The following PTBP2 variants were observed in gnomAD, a reference collection of about 807,000 sequenced individuals.
PTBP2 encodes the protein polypyrimidine tract binding protein 2.
A neutral mutation model predicts 61.4 loss-of-function variants in PTBP2; 13 were observed. That is an observed-to-expected ratio of 0.21 (90% CI 0.14 to 0.34). The LOEUF (loss-of-function observed/expected upper bound fraction) is 0.34. Ranked by LOEUF, PTBP2 falls within the 10% of genes least tolerant of loss-of-function variation. PTBP2 has a pLI of 1.00. For missense variants in PTBP2, 405 were observed against 642.6 expected, an observed-to-expected ratio of 0.63 and a Z score of 4.00; for synonymous variants, 215 against 218.5, an observed-to-expected ratio of 0.98 and a Z score of 0.14.
intron 8 of PTBP2, among the ~76,000 whole-genome samples, chr1:96,791,647 T>C (rs1413874630): frequency 1.3e-5 from 2 of 152,090 alleles, no homozygotes; most frequent in Non-Finnish European, 2.9e-5. Flanking sequence ...GGATCATTGG[T>C]ATTGGTAGAA....
intron 1 of PTBP2, among the ~76,000 whole-genome samples, chr1:96,723,259 T>G (rs1649883985): frequency 6.6e-6 from 1 of 152,210 alleles, no homozygotes. Flanking sequence ...AAGCGTTAAA[T>G]TATTAATCTC....
At chr1:96,759,099 C>T (rs1390018522) in intron 3 of PTBP2, among the ~76,000 whole-genome samples, 1 of 152,102 alleles carries the variant, frequency 6.6e-6, no homozygotes, top group Non-Finnish European at 1.5e-5. Context: ...TGTAAGACAT[C>T]TACACCAATA....
At chr1:96,799,346 A>C (rs1181458279) in intron 8 of PTBP2, among the ~76,000 whole-genome samples, 3 of 107,998 alleles carry the variant, frequency 2.8e-5, no homozygotes, top group Non-Finnish European at 5.3e-5. Flanking sequence ...CCCAGGCTGG[A>C]GTGCAATGGT....
At chr1:96,776,986 G>T (rs1407809733) in intron 5 of PTBP2, among the ~76,000 whole-genome samples, 2 of 151,916 alleles carry the variant, frequency 1.3e-5, no homozygotes, top group East Asian at 3.9e-4. Context: ...AAAATGTATG[G>T]GAAATATTCT....
At chr1:96,789,613 A>G (rs1030639616) in intron 8 of PTBP2, among the ~76,000 whole-genome samples, 18 of 152,132 alleles carry the variant, frequency 1.2e-4, no homozygotes, top group African/African-American at 4.3e-4. Context: ...TGTTTGTGAT[A>G]CATAAAATTA....
At chr1:96,773,779 A>G (rs1162313915) in intron 5 of PTBP2, among the ~76,000 whole-genome samples, 1 of 151,698 alleles carries the variant, frequency 6.6e-6, no homozygotes, top group Non-Finnish European at 1.5e-5. Flanking sequence ...GATCGAGACC[A>G]TGGTGAAACC....
intron 1 of PTBP2, among the ~76,000 whole-genome samples, chr1:96,722,168 C>T (rs1215657484): frequency 6.6e-6 from 1 of 151,936 alleles, no homozygotes; most frequent in East Asian, 2.0e-4. Flanking sequence ...GTGGGAACCC[C>T]ATAACGTCTC....
At chr1:96,795,545 A>G (rs1161540819) in intron 8 of PTBP2, among the ~76,000 whole-genome samples, 3 of 152,208 alleles carry the variant, frequency 2.0e-5, no homozygotes, top group Non-Finnish European at 4.4e-5. Flanking sequence ...AAAGCATTGT[A>G]ATTAAACTTT....
chr1:96,791,862 G>A (rs1659875207), intron 8 of PTBP2, among the ~76,000 whole-genome samples: 1 of 63,856 alleles, frequency 1.6e-5, no homozygotes, highest in Admixed American at 1.8e-4. Context: ...GATAGAGTCT[G>A]GCTCTGTCAC....
intron 4 of PTBP2, 58 bp downstream of exon 4, chr1:96,769,933 A>G (rs1657198466): frequency 2.3e-6 from 3 of 1,321,370 alleles, no homozygotes; most frequent in Non-Finnish European, 3.0e-6. Flanking sequence ...GCAGGTGTGA[A>G]TTAATTGTAA....
chr1:96,816,746 T>A (rs1339492442), downstream of PTBP2: 1 of 152,118 alleles, frequency 6.6e-6, no homozygotes, highest in Non-Finnish European at 1.5e-5. Context: ...AAAGGACAAA[T>A]CACTTTTCAA....
intron 8 of PTBP2, among the ~76,000 whole-genome samples, chr1:96,792,751 T>A (rs1227132151): frequency 6.6e-6 from 1 of 152,138 alleles, no homozygotes; most frequent in East Asian, 1.9e-4. Flanking sequence ...AATAATAAAT[T>A]GAACTTATAT....
At chr1:96,755,479 A>C (rs1399430416) in intron 3 of PTBP2, among the ~76,000 whole-genome samples, 1 of 152,214 alleles carries the variant, frequency 6.6e-6, no homozygotes, top group Non-Finnish European at 1.5e-5. Context: ...TCTCCTAAGC[A>C]TTTACCCAAG....
chr1:96,733,306 G>A (rs1651707844), intron 2 of PTBP2, among the ~76,000 whole-genome samples: 1 of 150,596 alleles, frequency 6.6e-6, no homozygotes, highest in Non-Finnish European at 1.5e-5. Flanking sequence ...ATTACAATGG[G>A]CCCAACTACA....
At chr1:96,738,520 GC>G (rs1420550399) in intron 2 of PTBP2, among the ~76,000 whole-genome samples, 13 of 152,100 alleles carry the variant, frequency 8.5e-5, no homozygotes, top group Non-Finnish European at 1.3e-4. Flanking sequence ...TGATCCGCCC[GC>G]CTCGGAAATA....
At chr1:96,775,065 T>C (rs1054715474) in intron 5 of PTBP2, among the ~76,000 whole-genome samples, 3 of 152,072 alleles carry the variant, frequency 2.0e-5, no homozygotes, top group Non-Finnish European at 2.9e-5. Flanking sequence ...GGTCTCCCTT[T>C]AGCTATTTCT....
rs148847819 is a variant in PTBP2, at chr1:96,745,453, C to T, written c.40-5972C>T. Among the ~76,000 whole-genome samples the T allele has an allele frequency of 5.3e-3, 800 of 152,258 alleles. 5 individuals carry two copies. Among genetic ancestry groups the T allele is most frequent in the Middle Eastern group, 0.01 (3 of 294 alleles). ...CTGGGATTATAGGTGTGAGCTACTGCGCCCAGCCCAATATTGCTTTTTAAT... is the reference window on the plus strand; with the variant it reads ...CTGGGATTATAGGTGTGAGCTACTGTGCCCAGCCCAATATTGCTTTTTAAT... On this transcript the variant is annotated intron_variant, in intron 2 of 13. Coordinates refer to ENST00000674951, the MANE Select transcript of PTBP2 (RefSeq NM_021190.4).
At chr1:96,744,483 TA>T (rs1653478890) in intron 2 of PTBP2, among the ~76,000 whole-genome samples, 1 of 152,198 alleles carries the variant, frequency 6.6e-6, no homozygotes, top group Non-Finnish European at 1.5e-5. Context: ...TCTTATTACA[TA>T]GAACAGAAGA....
intron 2 of PTBP2, among the ~76,000 whole-genome samples, chr1:96,744,268 A>G (rs1366086266): frequency 6.6e-6 from 1 of 152,188 alleles, no homozygotes; most frequent in Non-Finnish European, 1.5e-5. Context: ...AAAGAGTTGT[A>G]TGAAAATTCA....
Sources: allele counts gnomAD v4.1 joint callset (sites outside exome capture counted in the v4.1 genomes callset), GRCh38; gene constraint gnomAD v4.1.1; transcripts MANE v1.5; gene names NCBI Gene and HGNC (gene_info 2026-07-23, HGNC 2026-07-21).